The following DNAH9 variants were observed in gnomAD, a reference collection of about 807,000 sequenced individuals.
DNAH9 encodes the protein dynein axonemal heavy chain 9.
In DNAH9, 345 loss-of-function variants were observed where a neutral mutation model predicts 471.6. The observed-to-expected ratio is 0.73, with a 90% CI of 0.67 to 0.80. The LOEUF (loss-of-function observed/expected upper bound fraction) is 0.80. DNAH9 is among the 30% of genes least tolerant of loss of function. The probability of loss-of-function intolerance (pLI) is 0.00; values close to 1 mark genes in which losing one functional copy is unlikely to be tolerated. For missense variants in DNAH9, 5,407 were observed against 5,609.2 expected, an observed-to-expected ratio of 0.96 and a Z score of 1.15; for synonymous variants, 2,093 against 2,123.6, an observed-to-expected ratio of 0.99 and a Z score of 0.40.
chr17:11,922,940 A>G (rs1001850200), intron 61 of DNAH9, among the ~76,000 whole-genome samples: 3 of 152,178 alleles, frequency 2.0e-5, no homozygotes, highest in Non-Finnish European at 2.9e-5. Context: ...TGGTGGACCC[A>G]TATCTGGTCT....
At chr17:11,909,586 C>T (rs1375639304) in intron 61 of DNAH9, among the ~76,000 whole-genome samples, 2 of 152,136 alleles carry the variant, frequency 1.3e-5, no homozygotes, top group African/African-American at 4.8e-5. Context: ...TATGGTGCAT[C>T]CCCTGATCTC....
chr17:11,969,172 AG>A (rs1976993090), intron 68 of DNAH9, 127 bp from the exon 69 acceptor site: 3 of 740,136 alleles, frequency 4.1e-6, no homozygotes, highest in Non-Finnish European at 6.7e-6. Flanking sequence ...AAAACCTGGA[AG>A]GGGGCAGGCA....
intron 27 of DNAH9, among the ~76,000 whole-genome samples, chr17:11,720,206 T>C (rs994096337): frequency 2.0e-5 from 3 of 152,162 alleles, no homozygotes; most frequent in African/African-American, 7.2e-5. Context: ...CTTCTTTTTT[T>C]CTTTTTTTTC....
intron 61 of DNAH9, among the ~76,000 whole-genome samples, chr17:11,918,933 C>G (rs1359762787): frequency 6.6e-6 from 1 of 152,106 alleles, no homozygotes; most frequent in Admixed American, 6.5e-5. Context: ...TTGCAGTGAG[C>G]TGAGATCGTG....
chr17:11,848,820 A>G (rs1202579321), intron 49 of DNAH9, among the ~76,000 whole-genome samples: 2 of 151,982 alleles, frequency 1.3e-5, no homozygotes, highest in African/African-American at 4.8e-5. Flanking sequence ...CTCTAGAAGA[A>G]CTAGTGACCT....
intron 62 of DNAH9, among the ~76,000 whole-genome samples, chr17:11,927,433 T>A (rs1974369523): frequency 1.3e-5 from 2 of 152,208 alleles, no homozygotes; most frequent in Admixed American, 6.5e-5. Context: ...TAATTTTTTA[T>A]AAGGTATAAG....
chr17:11,944,915 A>C (rs141305725), intron 67 of DNAH9, among the ~76,000 whole-genome samples: 1 of 152,220 alleles, frequency 6.6e-6, no homozygotes, highest in South Asian at 2.1e-4. Flanking sequence ...TGAAGGTGCA[A>C]AGGGGATGGC....
At chr17:11,856,698 C>T (rs535697071) in intron 50 of DNAH9, among the ~76,000 whole-genome samples, 6 of 151,508 alleles carry the variant, frequency 4.0e-5, no homozygotes, top group African/African-American at 1.2e-4. Context: ...ACAGCGAGAC[C>T]CTGTCTCAGA....
chr17:11,706,319 A>G (rs2074699225), intron 26 of DNAH9, among the ~76,000 whole-genome samples: 1 of 152,126 alleles, frequency 6.6e-6, no homozygotes, highest in African/African-American at 2.4e-5. Flanking sequence ...CAGTATTTCC[A>G]TCACTTATAT....
chr17:11,610,870 A>T (rs907087086), intron 3 of DNAH9, among the ~76,000 whole-genome samples: 4 of 152,146 alleles, frequency 2.6e-5, no homozygotes, highest in African/African-American at 9.7e-5. Context: ...ATTCTAACTT[A>T]TCTGCTCCCT....
chr17:11,871,165 ATTAT>A, intron 51 of DNAH9, among the ~76,000 whole-genome samples: 1 of 152,228 alleles, frequency 6.6e-6, no homozygotes, highest in South Asian at 2.1e-4. Context: ...CCCGCTGTGA[ATTAT>A]TTATGGTGCA....
intron 62 of DNAH9, among the ~76,000 whole-genome samples, 171 bp from the exon 63 acceptor site, chr17:11,929,695 A>G (rs1256706902): frequency 6.6e-6 from 1 of 152,202 alleles, no homozygotes; most frequent in Non-Finnish European, 1.5e-5. Context: ...TTAACTGTCC[A>G]CTTAAAAAGG....
intron 64 of DNAH9, among the ~76,000 whole-genome samples, chr17:11,933,659 C>T (rs1415967684): frequency 3.9e-5 from 6 of 152,088 alleles, no homozygotes; most frequent in African/African-American, 1.2e-4. Context: ...GAATTACAGG[C>T]GTGAGCCACC....
chr17:11,822,736 G>A, intron 47 of DNAH9, 65 bp from the exon 48 acceptor site: 2 of 1,592,780 alleles, frequency 1.3e-6, no homozygotes, highest in Middle Eastern at 3.3e-4. Flanking sequence ...TGGGGTGAGG[G>A]GTGAGCAGTT....
intron 1 of DNAH9, among the ~76,000 whole-genome samples, 186 bp downstream of exon 1, chr17:11,599,101 A>T (rs1446637483): frequency 6.6e-6 from 1 of 151,736 alleles, no homozygotes; most frequent in Non-Finnish European, 1.5e-5. Flanking sequence ...TCCTGAAGTC[A>T]GGAAGAAAAT....
At position 11,937,473 on chromosome 17, in the gene DNAH9, C is replaced by A; in HGVS notation, c.12611C>A (p.Pro4204His). The change falls in exon 66 of 69, where the codon CCT becomes CAT. Residue 4204 changes from proline (P) to histidine (H), a missense_variant. Pro to His is a moderately conservative substitution (Grantham distance 77). This residue lies in a region of DNAH9 where 4,636 missense variants were observed against 4,900.3 expected (regional missense o/e 0.95). Transcript: ENST00000262442. This position sits in a 1 kb window ranked among gnomAD's most constrained non-coding sequence, Gnocchi z 4.1. ...KLFRTVLELQ[P>H]RDSQARDGAG... The stretch of plus-strand genomic sequence containing the variant: ...TTCCGCACTGTGCTGGAGCTGCAGC[C>A]TCGGGACAGCCAGGCCAGAGACGGA... 1 of 1,613,808 alleles carries A rather than the reference C, an allele frequency of 6.2e-7. No individual in the cohort carries two copies. The highest frequency in any genetic ancestry group is 1.3e-5 in the African/African-American group (1 of 75,028).
intron 43 of DNAH9, among the ~76,000 whole-genome samples, chr17:11,806,209 G>C (rs1464390354): frequency 2.6e-5 from 4 of 152,144 alleles, no homozygotes; most frequent in Non-Finnish European, 5.9e-5. Flanking sequence ...CAATATAGCA[G>C]ATCCACCTTT....
chr17:11,730,698 T>C (rs952567884), intron 28 of DNAH9, among the ~76,000 whole-genome samples: 1 of 152,188 alleles, frequency 6.6e-6, no homozygotes. Context: ...TTTAAAGCCC[T>C]GCAGAGAATA....
chr17:11,943,603 G>A (rs1045853819), intron 67 of DNAH9, among the ~76,000 whole-genome samples: 2 of 152,108 alleles, frequency 1.3e-5, no homozygotes, highest in Non-Finnish European at 2.9e-5. Context: ...CGTGAACCTG[G>A]GAGGCGGAGC....
Sources: allele counts gnomAD v4.1 joint callset (sites outside exome capture counted in the v4.1 genomes callset), GRCh38; gene constraint gnomAD v4.1.1; regional missense constraint gnomAD v4.1.1; non-coding constraint Gnocchi (gnomAD v3.1); transcripts MANE v1.5; gene names NCBI Gene and HGNC (gene_info 2026-07-23, HGNC 2026-07-21).